Variants in TENM1 observed in about 807,000 individuals in gnomAD.
The protein encoded by TENM1 is teneurin-1.
Under a neutral mutation model 174.8 loss-of-function variants are expected in TENM1, and 35 were observed. That is an observed-to-expected ratio of 0.20 (90% confidence interval 0.15 to 0.27). TENM1 has a LOEUF of 0.27. Ranked by LOEUF, TENM1 falls within the 10% of genes least tolerant of loss-of-function variation. TENM1 has a pLI of 1.00. For synonymous variants in TENM1, 781 were observed against 798.7 expected (o/e 0.98, Z 0.37); for missense variants, 1,633 against 2,130.1 (o/e 0.77, Z 4.59).
chrX:125,096,470 C>T, the TENM1 span, among the ~76,000 whole-genome samples: 364 of 111,902 alleles, frequency 3.3e-3, 2 homozygotes, highest in African/African-American at 0.011. Flanking sequence ...AAAGAGTTTC[C>T]ATGACCAAAT....
intron 4 of TENM1, among the ~76,000 whole-genome samples, chrX:124,712,312 T>C (rs775310821): frequency 1.3e-4 from 15 of 111,236 alleles, no homozygotes; most frequent in African/African-American, 4.9e-4. Context: ...CCACCAACCA[T>C]GTACAAGGGT....
intron 3 of TENM1, among the ~76,000 whole-genome samples, chrX:124,765,991 A>C (rs972799251): frequency 8.9e-6 from 1 of 112,234 alleles, no homozygotes; most frequent in South Asian, 3.7e-4. Flanking sequence ...CATGAAATAC[A>C]TAACTATGAA....
At chrX:124,999,485 A>G in the TENM1 span, among the ~76,000 whole-genome samples, 2 of 111,159 alleles carry the variant, frequency 1.8e-5, no homozygotes, top group African/African-American at 6.5e-5. Flanking sequence ...ATAAAAGCAG[A>G]CTTGACAAAG....
At chrX:124,840,446 GA>G (rs1428535196) in intron 3 of TENM1, among the ~76,000 whole-genome samples, 1 of 111,830 alleles carries the variant, frequency 8.9e-6, no homozygotes, top group African/African-American at 3.3e-5. Flanking sequence ...GAAACATTGG[GA>G]AAAATTCAAT....
the TENM1 span, among the ~76,000 whole-genome samples, chrX:125,022,136 A>T: frequency 8.9e-6 from 1 of 112,293 alleles, no homozygotes; most frequent in African/African-American, 3.2e-5. Context: ...ATATTGAAAC[A>T]TTAATATGTG....
intron 18 of TENM1, among the ~76,000 whole-genome samples, chrX:124,516,267 A>G (rs753477299): frequency 8.9e-6 from 1 of 112,297 alleles, no homozygotes; most frequent in African/African-American, 3.2e-5. Context: ...AATCTAGGTA[A>G]TACCATTTTG....
chrX:124,522,844 A>G (rs187338642), intron 17 of TENM1, among the ~76,000 whole-genome samples: 2 of 110,903 alleles, frequency 1.8e-5, no homozygotes, highest in Admixed American at 1.9e-4. Context: ...ATGTGCCACC[A>G]TGCCTGACTA....
the TENM1 span, among the ~76,000 whole-genome samples, chrX:125,169,154 A>C: frequency 9.0e-6 from 1 of 111,372 alleles, no homozygotes; most frequent in African/African-American, 3.3e-5. Context: ...GTTTCTACTT[A>C]TGATCACTAG....
At chrX:124,744,423 C>T (rs774947291) in intron 3 of TENM1, among the ~76,000 whole-genome samples, 2 of 111,659 alleles carry the variant, frequency 1.8e-5, no homozygotes, top group Admixed American at 1.9e-4. Flanking sequence ...AATATTTAAA[C>T]GTTAGTATAC....
chrX:125,007,910 C>A, the TENM1 span, among the ~76,000 whole-genome samples: 3 of 111,811 alleles, frequency 2.7e-5, no homozygotes, highest in Non-Finnish European at 5.6e-5. Context: ...AAAACCAGTA[C>A]CAGCCACTGC....
At chrX:124,654,565 G>A (rs1207002094) in intron 6 of TENM1, among the ~76,000 whole-genome samples, 1 of 111,791 alleles carries the variant, frequency 8.9e-6, no homozygotes, top group African/African-American at 3.3e-5. Context: ...TGGCGCACAT[G>A]GAAAGGATGG....
chrX:124,872,870 T>A (rs1285368819), intron 3 of TENM1, among the ~76,000 whole-genome samples: 1 of 111,526 alleles, frequency 9.0e-6, no homozygotes, highest in Admixed American at 9.6e-5. Context: ...CCTCTATACA[T>A]GGGGCTGTAA....
chrX:124,705,849 CATCT>C (rs1310517674), intron 4 of TENM1, among the ~76,000 whole-genome samples: 2 of 111,738 alleles, frequency 1.8e-5, no homozygotes, highest in Admixed American at 1.9e-4. Flanking sequence ...TTCTTCTCTC[CATCT>C]GTCAGTTTTT....
intron 3 of TENM1, among the ~76,000 whole-genome samples, chrX:124,810,895 G>A (rs776094926): frequency 9.9e-5 from 11 of 111,316 alleles, no homozygotes; most frequent in Non-Finnish European, 2.1e-4. Context: ...ATAAACCCAT[G>A]GATTTATAGC....
the TENM1 span, among the ~76,000 whole-genome samples, chrX:124,971,044 C>T: frequency 9.7e-6 from 1 of 103,378 alleles, no homozygotes; most frequent in Admixed American, 1.1e-4. Flanking sequence ...GGACAGAAAA[C>T]CAAACACCGC....
intron 3 of TENM1, among the ~76,000 whole-genome samples, chrX:124,741,222 G>A (rs958268867): frequency 1.8e-5 from 2 of 111,517 alleles, no homozygotes; most frequent in African/African-American, 6.5e-5. Context: ...AAGAAGAAAC[G>A]TGTCACGCAT....
At position 124,855,121 on chromosome X, in the gene TENM1, C is replaced by T. The variant is rs186049878; in HGVS notation, c.535+39175G>A. Among the ~76,000 whole-genome samples, 554 of 110,855 alleles carry T rather than the reference C, an allele frequency of 5.0e-3. 9 individuals are homozygous for T. The highest frequency in any genetic ancestry group is 0.017 in the African/African-American group (523 of 30,626). On this transcript the variant is annotated intron_variant, in intron 3 of 31. Transcript: ENST00000422452. ...TCTGGCTTAATTAAAGTTATTAGTG[C>T]CCGTGAATAAGTGCAAGTGTATTTG...
chrX:124,728,342 G>A (rs2053488927), intron 4 of TENM1, among the ~76,000 whole-genome samples: 1 of 111,706 alleles, frequency 9.0e-6, no homozygotes, highest in Non-Finnish European at 1.9e-5. Context: ...GTACTAGAAA[G>A]AACATGCTTG....
the TENM1 span, among the ~76,000 whole-genome samples, chrX:125,051,522 C>T: frequency 9.1e-6 from 1 of 110,496 alleles, no homozygotes; most frequent in Non-Finnish European, 1.9e-5. Flanking sequence ...CAGAACAGAG[C>T]CCTCAGAAAT....
Sources: gnomAD v4.1 joint callset for allele counts (sites outside exome capture counted in the v4.1 genomes callset) on GRCh38, gnomAD v4.1.1 for gene constraint, MANE v1.5 for transcripts, NCBI Gene and HGNC (gene_info 2026-07-23, HGNC 2026-07-21) for gene names.